ZFHX4: variants seen among roughly 807,000 people sequenced by gnomAD.
ZFHX4 encodes the protein zinc finger homeobox protein 4.
In ZFHX4, 56 loss-of-function variants were observed where a neutral mutation model predicts 267.6. That is an observed-to-expected ratio of 0.21 (90% CI 0.17 to 0.26). The LOEUF (loss-of-function observed/expected upper bound fraction) is 0.26. Ranked by LOEUF, ZFHX4 falls within the 10% of genes least tolerant of loss-of-function variation. The pLI is 1.00. For synonymous variants in ZFHX4, 1,778 were observed against 1,665.6 expected (o/e 1.07, Z -1.64); for missense variants, 4,332 against 4,420.0 (o/e 0.98, Z 0.56).
At chr8:76,714,414 A>G (rs1808510811) in intron 3 of ZFHX4, among the ~76,000 whole-genome samples, 1 of 152,142 alleles carries the variant, frequency 6.6e-6, no homozygotes, top group South Asian at 2.1e-4. Flanking sequence ...TTTGCTGGAA[A>G]TGTTGCTGGA....
intron 6 of ZFHX4, among the ~76,000 whole-genome samples, chr8:76,843,626 C>T (rs910743349): frequency 4.6e-5 from 7 of 152,102 alleles, no homozygotes; most frequent in East Asian, 1.9e-4. Flanking sequence ...CGCTATACCT[C>T]GTTTTATTAT....
Position 76,853,801 on chromosome 8 carries a change from A to G in ZFHX4, c.6880A>G (p.Asn2294Asp), listed in dbSNP as rs762575406. 6.2e-7 allele frequency: 1 copy of G among 1,613,798 alleles called. No homozygotes were observed. Among genetic ancestry groups the G allele is most frequent in the Non-Finnish European group, 8.5e-7 (1 of 1,179,816 alleles). The change falls in exon 10 of 11, where the codon AAT becomes GAT. Residue 2294 changes from asparagine (N) to aspartate (D), a missense_variant. Asn to Asp is a conservative substitution (Grantham distance 23). Around this residue, in one of 7 missense-constraint regions of ZFHX4, gnomAD observed 1,648 missense variants for 1,625.0 expected, o/e 1.01. Transcript: ENST00000651372. ...TGAGAATCAAGCAGAAACAAAAGAT[A>G]ATGAAAAAAGAGAACTCACTAATGA... ...SYENQAETKDNEKRELTNERY... is the reference protein window; with the variant it reads ...SYENQAETKDDEKRELTNERY...
At position 76,864,481 on chromosome 8, in the gene ZFHX4, T is replaced by C. The variant is rs1812974979; in HGVS notation, c.10767T>C (p.Asp3589=). The change falls in exon 11 of 11, where the codon GAT becomes GAC. Residue 3589 remains aspartate (D), a synonymous_variant. Coordinates refer to ENST00000651372, the MANE Select transcript of ZFHX4 (RefSeq NM_024721.5). ...TGAGCCAGAAGCTAGAAGACTTAGA[T>C]AATTCTTTGGAAGTGAAGGCTAAGC... The part of the protein sequence containing the change: ...SELSQKLEDL[D]NSLEVKAKPA... 3 of 1,613,538 alleles carry C rather than the reference T, an allele frequency of 1.9e-6. No individual in the cohort carries two copies. Among genetic ancestry groups the C allele is most frequent in the Non-Finnish European group, 2.5e-6 (3 of 1,179,826 alleles).
chr8:76,754,397 G>A (rs893792067), intron 3 of ZFHX4, among the ~76,000 whole-genome samples: 18 of 152,042 alleles, frequency 1.2e-4, no homozygotes, highest in African/African-American at 4.1e-4. Flanking sequence ...GCTGAGACAG[G>A]AGAATCACTT....
chr8:76,748,156 C>A (rs542149429), intron 3 of ZFHX4, among the ~76,000 whole-genome samples: 1 of 152,112 alleles, frequency 6.6e-6, no homozygotes, highest in African/African-American at 2.4e-5. Context: ...CTCTTGAATT[C>A]TACATCCCCC....
intron 4 of ZFHX4, among the ~76,000 whole-genome samples, chr8:76,828,437 G>T (rs1234071413): frequency 7.2e-5 from 11 of 152,154 alleles, no homozygotes. Context: ...AAGTTAAACT[G>T]TCTGAGCTTT....
At chr8:76,790,634 A>T (rs1394923336) in intron 4 of ZFHX4, among the ~76,000 whole-genome samples, 1 of 152,180 alleles carries the variant, frequency 6.6e-6, no homozygotes, top group Non-Finnish European at 1.5e-5. Flanking sequence ...TTATCTTCTA[A>T]TGAATCAAGT....
intron 4 of ZFHX4, among the ~76,000 whole-genome samples, chr8:76,806,562 C>A (rs1474375881): frequency 1.3e-5 from 2 of 151,924 alleles, no homozygotes; most frequent in African/African-American, 4.8e-5. Context: ...GTCCAATGAA[C>A]AGGTATTTTT....
At position 76,851,313 on chromosome 8, in the gene ZFHX4, C is replaced by G; in HGVS notation, c.4392C>G (p.Pro1464=). 2 of 1,613,668 alleles carry G rather than the reference C, an allele frequency of 1.2e-6. No individual in the cohort carries two copies. Among genetic ancestry groups the G allele is most frequent in the Non-Finnish European group, 1.7e-6 (2 of 1,179,788 alleles). The part of the protein sequence containing the change: ...AELQQLYASL[P]VNGELWAESE... The stretch of plus-strand genomic sequence containing the variant: ...TTCAACAGCTATATGCCTCCTTGCC[C>G]GTGAATGGAGAACTGTGGGCAGAGA... The change falls in exon 10 of 11, where the codon CCC becomes CCG. Residue 1464 remains proline, a synonymous_variant. Transcript: ENST00000651372.
chr8:76,692,144 A>AT (rs775292293), intron 1 of ZFHX4, among the ~76,000 whole-genome samples: 74 of 151,232 alleles, frequency 4.9e-4, no homozygotes, highest in African/African-American at 1.4e-3. Flanking sequence ...CTGAATCTTC[A>AT]TTTTTTTTTA....
Position 76,850,184 on chromosome 8 carries a change from G to T in ZFHX4, c.3847-61G>T, listed in dbSNP as rs1238330581. 2.3e-6 allele frequency: 3 copies of T among 1,299,238 alleles called. 1 individual carries two copies. The highest frequency in any genetic ancestry group is 3.3e-6 in the Non-Finnish European group (3 of 919,042). The allele number at this position is 1,299,238 out of a possible 1,614,324, so 80.5% of individuals were successfully genotyped here. ...TGGGATATGCTACCAGCAAAAGAGA[G>T]ATGTGATGGAATTTGTGATTTCTGG... is the stretch of plus-strand genomic sequence containing the variant. On this transcript the variant is annotated intron_variant, in intron 8 of 10. Transcript: ENST00000651372.
rs1467390879 is a variant in ZFHX4, at chr8:76,705,988, A to G, written c.1900A>G (p.Met634Val). The change falls in exon 2 of 11, where the codon ATG becomes GTG. Residue 634 changes from methionine to valine, a missense_variant. Physicochemically the swap from Met to Val is conservative, Grantham distance 21 (BLOSUM62 1). Around this residue, in one of 7 missense-constraint regions of ZFHX4, gnomAD observed 1,195 missense variants for 1,173.6 expected, o/e 1.02. Coordinates refer to ENST00000651372, the MANE Select transcript of ZFHX4 (RefSeq NM_024721.5). ...SSRSLGGHMTMMHSRNSCKTL... is the reference protein window; with the variant it reads ...SSRSLGGHMTVMHSRNSCKTL... ...GAGGTCTCTTGGTGGTCATATGACT[A>G]TGATGCACTCGAGGAACTCATGCAA... is the stretch of plus-strand genomic sequence containing the variant. 19 of 1,613,040 alleles carry G rather than the reference A, an allele frequency of 1.2e-5. No homozygotes were observed. The highest frequency in any genetic ancestry group is 1.6e-5 in the Non-Finnish European group (19 of 1,179,624).
chr8:76,749,362 C>T (rs1714625345), intron 3 of ZFHX4, among the ~76,000 whole-genome samples: 2 of 152,120 alleles, frequency 1.3e-5, no homozygotes, highest in Non-Finnish European at 2.9e-5. Context: ...ACAAGTAACA[C>T]TGTTTCATGC....
At chr8:76,753,850 AC>A (rs1291013109) in intron 3 of ZFHX4, among the ~76,000 whole-genome samples, 3 of 151,728 alleles carry the variant, frequency 2.0e-5, no homozygotes, top group African/African-American at 7.3e-5. Context: ...CTGGTCTTGA[AC>A]TTCTGGGCTC....
At chr8:76,777,678 A>G (rs144250321) in intron 3 of ZFHX4, among the ~76,000 whole-genome samples, 292 of 152,246 alleles carry the variant, frequency 1.9e-3, no homozygotes, top group Non-Finnish European at 3.4e-3. Context: ...GTGCTACACT[A>G]AAATATTAAT....
intron 3 of ZFHX4, among the ~76,000 whole-genome samples, chr8:76,769,810 A>T (rs969444042): frequency 3.0e-5 from 4 of 131,842 alleles, no homozygotes; most frequent in African/African-American, 3.9e-5. Flanking sequence ...ATATTTAAAT[A>T]AAAAAACTGA....
chr8:76,804,550 A>T (rs887815130), intron 4 of ZFHX4, among the ~76,000 whole-genome samples: 3 of 152,082 alleles, frequency 2.0e-5, no homozygotes, highest in Non-Finnish European at 4.4e-5. Context: ...AGAAAAATAC[A>T]TATATATTAT....
At chr8:76,838,048 T>A (rs1812137831) in intron 5 of ZFHX4, among the ~76,000 whole-genome samples, 1 of 152,202 alleles carries the variant, frequency 6.6e-6, no homozygotes, top group African/African-American at 2.4e-5. Flanking sequence ...AAACTGATAT[T>A]TCCCAAGATG....
chr8:76,759,639 T>C (rs1169341260), intron 3 of ZFHX4, among the ~76,000 whole-genome samples: 1 of 152,226 alleles, frequency 6.6e-6, no homozygotes, highest in Non-Finnish European at 1.5e-5. Flanking sequence ...TGGCTAAGTT[T>C]AGGTTTGGAA....
Sources: allele counts gnomAD v4.1 joint callset (sites outside exome capture counted in the v4.1 genomes callset), GRCh38; gene constraint gnomAD v4.1.1; regional missense constraint gnomAD v4.1.1; transcripts MANE v1.5; gene names NCBI Gene and HGNC (gene_info 2026-07-23, HGNC 2026-07-21).